Variants in CFAP47 observed in about 807,000 individuals in gnomAD.
CFAP47 encodes cilia and flagella associated protein 47.
CFAP47 carries 29 observed loss-of-function variants against 148.1 expected under a neutral mutation model. The observed-to-expected ratio is 0.20, with a 90% CI of 0.15 to 0.27. The LOEUF is 0.27. Among genes scored for constraint, CFAP47 ranks in the 10% least tolerant of loss-of-function variants. The pLI, the probability that CFAP47 is intolerant of heterozygous loss-of-function variation, is 1.00. For missense variants in CFAP47, 1,872 were observed against 1,697.5 expected, an observed-to-expected ratio of 1.10 and a Z score of -1.81; for synonymous variants, 664 against 577.3, an observed-to-expected ratio of 1.15 and a Z score of -2.15.
At chrX:36,038,606 A>T (rs1410209974) in intron 24 of CFAP47, among the ~76,000 whole-genome samples, 1 of 111,699 alleles carries the variant, frequency 9.0e-6, no homozygotes, top group African/African-American at 3.2e-5. Context: ...CCTTATGGCA[A>T]TGATCTATCC....
chrX:36,206,498 T>G (rs1234621770), intron 45 of CFAP47, among the ~76,000 whole-genome samples: 7 of 111,796 alleles, frequency 6.3e-5, no homozygotes, highest in African/African-American at 1.6e-4. Context: ...TAAGTAGCTC[T>G]TATAATACAA....
chrX:35,938,809 C>G (rs1477407252), intron 2 of CFAP47, among the ~76,000 whole-genome samples: 1 of 111,721 alleles, frequency 9.0e-6, no homozygotes. Context: ...AATGTGTCAG[C>G]TACGTCAGTT....
In CFAP47 at chrX:36,228,502, A is replaced by T. The variant is rs181037921; in HGVS notation, c.6818-126A>T. 273 of 445,458 alleles carry T rather than the reference A, an allele frequency of 6.1e-4. 1 individual carries two copies. Among genetic ancestry groups the T allele is most frequent in the African/African-American group, 5.9e-3 (238 of 40,480 alleles). 36.7% of individuals were successfully genotyped at this position (445,458 alleles called of 1,213,427 possible). On this transcript the variant is annotated intron_variant, in intron 45 of 63. Coordinates refer to ENST00000378653, the MANE Select transcript of CFAP47 (RefSeq NM_001304548.2). ...CCTGGAGATTTAGAAGTATTGTGTT[A>T]TCCCAGTGAAACCTATTCTAGGTTA... is the stretch of plus-strand genomic sequence containing the variant.
intron 60 of CFAP47, among the ~76,000 whole-genome samples, 190 bp from the exon 61 acceptor site, chrX:36,361,140 G>C (rs1219378175): frequency 9.0e-6 from 1 of 110,716 alleles, no homozygotes; most frequent in Non-Finnish European, 1.9e-5. Context: ...TTATTAACTT[G>C]TTAACAAAAA....
At chrX:36,170,741 A>G (rs1410905367) in intron 39 of CFAP47, among the ~76,000 whole-genome samples, 9 of 107,334 alleles carry the variant, frequency 8.4e-5, no homozygotes, top group Admixed American at 5.0e-4. Context: ...ATTGTGAATA[A>G]TGCCGCAATA....
chrX:36,115,433 A>G (rs1206191991), intron 33 of CFAP47, among the ~76,000 whole-genome samples: 1 of 111,927 alleles, frequency 8.9e-6, no homozygotes, highest in Non-Finnish European at 1.9e-5. Context: ...AAAAATATTT[A>G]TGAGGATAAT....
At chrX:36,144,510 A>G in intron 35 of CFAP47, 1 of 982,686 alleles carries the variant, frequency 1.0e-6, no homozygotes, top group Non-Finnish European at 1.3e-6. Context: ...TTAGGTGTCA[A>G]CTTGACTGGA....
rs189969166 is a variant in CFAP47 at position 36,354,219 on chromosome X, C to T, written c.8851+538C>T. Among the ~76,000 whole-genome samples, 584 of 111,094 alleles carry T rather than the reference C, an allele frequency of 5.3e-3. 1 individual carries two copies. The highest frequency in any genetic ancestry group is 0.018 in the African/African-American group (562 of 30,637). Reference sequence around the variant, plus strand: ...ATCTCGGGCCAGGTGCGGTGGCTCACGCCTGTAATCCCAGCACTTTGGGAG... The same window carrying T: ...ATCTCGGGCCAGGTGCGGTGGCTCATGCCTGTAATCCCAGCACTTTGGGAG... On this transcript the variant is annotated intron_variant, in intron 60 of 63. Transcript: ENST00000378653.
At position 35,953,700 on chromosome X, in the gene CFAP47, T is replaced by G. The variant is rs1385213359; in HGVS notation, c.1155T>G (p.Asp385Glu). ...VGSKDGFLRD[D>E]DYKTIKSERF... ...GTAAAGATGGATTTTTGAGAGATGA[T>G]GACTATAAAACCATCAAAAGTAAGT... The change falls in exon 7 of 64, where the codon GAT becomes GAG. Residue 385 changes from aspartate (D) to glutamate (E), a missense_variant. Coordinates refer to ENST00000378653, the MANE Select transcript of CFAP47 (RefSeq NM_001304548.2). 8.3e-7 allele frequency: 1 copy of G among 1,199,127 alleles called. No homozygotes were observed. The highest frequency in any genetic ancestry group is 2.2e-5 in the Admixed American group (1 of 45,550).
chrX:36,319,435 C>A (rs1337060701), intron 57 of CFAP47, 128 bp downstream of exon 57: 8 of 223,197 alleles, frequency 3.6e-5, no homozygotes, highest in Non-Finnish European at 5.6e-5. Context: ...AATTTTGGAA[C>A]AAATTTTAGT....
chrX:35,979,404 G>A (rs770194227), intron 15 of CFAP47, among the ~76,000 whole-genome samples: 41 of 109,337 alleles, frequency 3.7e-4, no homozygotes, highest in African/African-American at 1.3e-3. Flanking sequence ...CTAAAACCTT[G>A]AATCACACAA....
At chrX:36,147,975 T>TAA (rs112172539) in intron 36 of CFAP47, among the ~76,000 whole-genome samples, 11,240 of 109,775 alleles carry the variant, frequency 0.1, 1,187 homozygotes, top group African/African-American at 0.31. Flanking sequence ...TCTTGTTAAA[T>TAA]AAAAAAAAAT....
chrX:36,375,194 C>A (rs782592624), intron 62 of CFAP47: 3 of 264,391 alleles, frequency 1.1e-5, no homozygotes, highest in African/African-American at 5.7e-5. Context: ...TGTGGCAATG[C>A]GGAAAGATGG....
chrX:36,374,545 ATTT>A (rs1368043645), intron 62 of CFAP47, among the ~76,000 whole-genome samples: 13 of 109,864 alleles, frequency 1.2e-4, no homozygotes, highest in African/African-American at 4.3e-4. Flanking sequence ...TTCTGCTCTT[ATTT>A]TTTATTATTT....
intron 47 of CFAP47, among the ~76,000 whole-genome samples, 178 bp from the exon 48 acceptor site, chrX:36,236,508 A>G (rs1168510564): frequency 1.8e-5 from 2 of 112,353 alleles, no homozygotes; most frequent in African/African-American, 6.5e-5. Flanking sequence ...ACTTTTCACC[A>G]GAAATTTGTC....
intron 8 of CFAP47, among the ~76,000 whole-genome samples, chrX:35,960,409 G>GAAAAAAAAAAAAAAAAA (rs1936313788): frequency 1.4e-5 from 1 of 69,692 alleles, no homozygotes; most frequent in African/African-American, 9.2e-5. Context: ...AAAAAAAAAG[G>GAAAAAAAAAAAAAAAAA]ACAGCTGGAA....
intron 29 of CFAP47, among the ~76,000 whole-genome samples, chrX:36,081,039 A>C (rs1379188694): frequency 8.9e-6 from 1 of 112,031 alleles, no homozygotes; most frequent in Non-Finnish European, 1.9e-5. Context: ...ATATATGCAA[A>C]GAATCAACAA....
chrX:36,228,573 T>A, intron 45 of CFAP47, 55 bp from the exon 46 acceptor site: 1 of 506,058 alleles, frequency 2.0e-6, no homozygotes. Flanking sequence ...CTTACCAAGA[T>A]GAATTTTAGG....
chrX:35,982,538 CT>C (rs1477253397), intron 15 of CFAP47, among the ~76,000 whole-genome samples: 3 of 110,956 alleles, frequency 2.7e-5, no homozygotes, highest in African/African-American at 9.8e-5. Context: ...TTTGCCAGGG[CT>C]TATCTCCATA....
Sources: gnomAD v4.1 joint callset for allele counts (sites outside exome capture counted in the v4.1 genomes callset) on GRCh38, gnomAD v4.1.1 for gene constraint, MANE v1.5 for transcripts, NCBI Gene and HGNC (gene_info 2026-07-23, HGNC 2026-07-21) for gene names.